Variants in TRANK1 observed in about 807,000 individuals in gnomAD.
TRANK1 encodes the protein TPR and ankyrin repeat-containing protein 1.
TRANK1 carries 198 observed loss-of-function variants against 266.0 expected under a neutral mutation model. The ratio of observed to expected loss-of-function variants is 0.74; its 90% CI spans 0.66 to 0.84. TRANK1 has a LOEUF of 0.84. Among genes scored for constraint, TRANK1 ranks in the 40% least tolerant of loss-of-function variants. The pLI is 0.00. For synonymous variants in TRANK1, 1,396 were observed against 1,384.1 expected, an observed-to-expected ratio of 1.01 and a Z score of -0.19; for missense variants, 3,326 against 3,634.6, an observed-to-expected ratio of 0.92 and a Z score of 2.18.
chr3:36,934,994 C>T (rs2080405126), intron 1 of TRANK1, among the ~76,000 whole-genome samples: 1 of 152,188 alleles, frequency 6.6e-6, no homozygotes. Context: ...TCCAGCATGG[C>T]CTCTTCACCA....
Position 36,831,239 on chromosome 3 carries a change from T to A in TRANK1, c.8344A>T (p.Asn2782Tyr). Reference sequence around the variant, plus strand: ...AACGCTTTGCTGGGGCTGAAATAGTTCTCTGGGCCACGGGTAAACTTCACT... The same window carrying A: ...AACGCTTTGCTGGGGCTGAAATAGTACTCTGGGCCACGGGTAAACTTCACT... The part of the protein sequence containing the change: ...CGVKFTRGPE[N>Y]YFSPSKAFEG... The change falls in exon 22 of 24, where the codon AAC becomes TAC. Residue 2782 changes from asparagine to tyrosine, a missense_variant. Transcript: ENST00000645898. This position sits in a 1 kb window ranked among gnomAD's most constrained non-coding sequence, Gnocchi z 5.0. 1 of 1,613,562 alleles carries A rather than the reference T, an allele frequency of 6.2e-7. No individual in the cohort carries two copies. Among genetic ancestry groups the A allele is most frequent in the African/African-American group, 1.3e-5 (1 of 74,974 alleles).
At chr3:36,853,544 CCAAATATATAT>C (rs2079012409) in intron 13 of TRANK1, among the ~76,000 whole-genome samples, 1 of 152,090 alleles carries the variant, frequency 6.6e-6, no homozygotes, top group African/African-American at 2.4e-5. Context: ...TTAGCAGGGG[CCAAATATATAT>C]CTACATTAAC....
intron 7 of TRANK1, 95 bp downstream of exon 7, chr3:36,892,107 A>T: frequency 7.2e-7 from 1 of 1,380,894 alleles, no homozygotes; most frequent in Non-Finnish European, 9.6e-7. Context: ...GTCTGCATTC[A>T]AGTGGCTTAA....
intron 20 of TRANK1, among the ~76,000 whole-genome samples, chr3:36,836,524 A>G (rs1233568797): frequency 6.6e-6 from 1 of 152,268 alleles, no homozygotes; most frequent in African/African-American, 2.4e-5. Flanking sequence ...TCATTTTTCA[A>G]TAATGCATGC....
intron 8 of TRANK1, among the ~76,000 whole-genome samples, chr3:36,885,540 T>C (rs2079590524): frequency 6.6e-6 from 1 of 152,144 alleles, no homozygotes; most frequent in Admixed American, 6.5e-5. Flanking sequence ...ATGAGGTCTG[T>C]ATATTATTTT....
chr3:36,899,185 AC>A lies in TRANK1; in HGVS notation c.356del (p.Gly119ValfsTer25), dbSNP rs2079838542. On this transcript the variant is annotated frameshift_variant, in exon 4 of 24. Transcript: ENST00000645898. LOFTEE classifies it high-confidence loss of function. ...CTTGGCTTCTCTGCACAAGTCGCAG[AC>A]CCTCAAAAAACATGCGAGCGGCTTC... is the stretch of plus-strand genomic sequence containing the variant. ...PYEAARMFFEGLRLVQRSQDQ... is the reference protein window; with the variant it reads ...PYEAARMFFEXLRLVQRSQDQ... 6.5e-7 allele frequency: 1 copy of A among 1,537,260 alleles called. No individual in the cohort carries two copies. The highest frequency in any genetic ancestry group is 8.7e-7 in the Non-Finnish European group (1 of 1,146,918).
At position 36,856,389 on chromosome 3, in the gene TRANK1, T is replaced by C; in HGVS notation, c.3333A>G (p.Lys1111=). The C allele has an allele frequency of 6.2e-7, 1 of 1,601,234 alleles. No homozygotes were observed. Among genetic ancestry groups the C allele is most frequent in the Non-Finnish European group, 8.5e-7 (1 of 1,173,514 alleles). ...CCAACCTTCTCTTCAGCCAGACCTG[T>C]TTGGCCAGCAATGGGCTTCCTGCCT... ...AEQAGSPLLA[K]QVWLKRRLEV... The change falls in exon 13 of 24, where the codon AAA becomes AAG. Residue 1111 remains lysine (K), a synonymous_variant. Coordinates refer to ENST00000645898, the MANE Select transcript of TRANK1 (RefSeq NM_001329998.2).
chr3:36,905,969 T>A (rs2079961875), intron 2 of TRANK1, among the ~76,000 whole-genome samples: 1 of 152,138 alleles, frequency 6.6e-6, no homozygotes, highest in South Asian at 2.1e-4. Context: ...AAAGGCAACA[T>A]GAGGGTCCAG....
chr3:36,869,822 A>G (rs1020910444), intron 9 of TRANK1, among the ~76,000 whole-genome samples: 15 of 152,260 alleles, frequency 9.9e-5, no homozygotes, highest in African/African-American at 3.6e-4. Context: ...ACACATTTCA[A>G]CTGCTCAACA....
intron 15 of TRANK1, chr3:36,851,445 T>G: frequency 4.3e-6 from 5 of 1,170,654 alleles, no homozygotes; most frequent in East Asian, 4.6e-5. Context: ...CAGTGGCTAA[T>G]GAGAACTGGA....
At position 36,858,725 on chromosome 3, in the gene TRANK1, C is replaced by G. The variant is rs1559434335; in HGVS notation, c.1665G>C (p.Glu555Asp). The G allele has an allele frequency of 2.6e-6, 4 of 1,523,652 alleles. No homozygotes were observed. The highest frequency in any genetic ancestry group is 3.5e-6 in the Non-Finnish European group (4 of 1,139,814). The allele number at this position is 1,523,652 out of a possible 1,614,324, so 94.4% of individuals were successfully genotyped here. Residue 555 changes from glutamate (E) to aspartate (D), a missense_variant, in exon 12 of 24, where the codon GAG becomes GAC. Physicochemically the swap from Glu to Asp is conservative, Grantham distance 45 (BLOSUM62 2). Coordinates refer to ENST00000645898, the MANE Select transcript of TRANK1 (RefSeq NM_001329998.2). Reference protein sequence around the residue: ...PLHAALHIFLEIKADIGFSFL... With the variant: ...PLHAALHIFLDIKADIGFSFL... The stretch of plus-strand genomic sequence containing the variant: ...TAAAAAACAAGGGCTTACCTTTAAT[C>G]TCTAGAAAGATGTGGAGTGCTGCAT...
chr3:36,905,229 T>C (rs576047357), intron 2 of TRANK1, among the ~76,000 whole-genome samples: 1 of 149,406 alleles, frequency 6.7e-6, no homozygotes, highest in South Asian at 2.1e-4. Context: ...CGGCGGAGCT[T>C]GCAGTGAGCC....
At chr3:36,884,281 G>A (rs772831897) in intron 8 of TRANK1, among the ~76,000 whole-genome samples, 6 of 152,128 alleles carry the variant, frequency 3.9e-5, no homozygotes, top group South Asian at 2.1e-4. Flanking sequence ...ATGACACTCC[G>A]CTTCGCAATG....
intron 1 of TRANK1, among the ~76,000 whole-genome samples, chr3:36,917,103 A>T (rs2125643094): frequency 6.6e-6 from 1 of 152,240 alleles, no homozygotes; most frequent in East Asian, 1.9e-4. Flanking sequence ...AATGTGAGCC[A>T]CCGTGCCCGG....
chr3:36,928,634 GAC>G (rs2080321163), intron 1 of TRANK1, among the ~76,000 whole-genome samples: 1 of 152,076 alleles, frequency 6.6e-6, no homozygotes, highest in Non-Finnish European at 1.5e-5. Flanking sequence ...TGAGGATATA[GAC>G]ACAGATTTTC....
intron 18 of TRANK1, among the ~76,000 whole-genome samples, chr3:36,840,529 C>A (rs973454713): frequency 6.6e-6 from 1 of 152,364 alleles, no homozygotes; most frequent in East Asian, 1.9e-4. Flanking sequence ...AAGAGTCCTG[C>A]CTATTTACCC....
At position 36,855,314 on chromosome 3, in the gene TRANK1, T is replaced by G. The variant is rs760418627; in HGVS notation, c.4408A>C (p.Ile1470Leu). ...AAGCGGAAGGCCACGCCCTTCATGA[T>G]GCTCTGGGCCGTGTCCCCCGTGAGG... ...MFLTGDTAQS[I>L]MKGVAFRFSD... The change falls in exon 13 of 24, where the codon ATC becomes CTC. Residue 1470 changes from isoleucine to leucine, a missense_variant. Transcript: ENST00000645898. The G allele has an allele frequency of 2.6e-5, 42 of 1,613,942 alleles. No individual in the cohort carries two copies. Among genetic ancestry groups the G allele is most frequent in the Non-Finnish European group, 3.4e-5 (40 of 1,179,906 alleles).
At chr3:36,865,978 G>C (rs1036691861) in intron 9 of TRANK1, among the ~76,000 whole-genome samples, 1 of 150,210 alleles carries the variant, frequency 6.7e-6, no homozygotes, top group Non-Finnish European at 1.5e-5. Flanking sequence ...CAGAGACAGA[G>C]AGAGAGAGAA....
chr3:36,943,027 A>G (rs939427554), intron 1 of TRANK1, among the ~76,000 whole-genome samples: 2 of 152,132 alleles, frequency 1.3e-5, no homozygotes, highest in Admixed American at 6.5e-5. Context: ...CTAAAAATAC[A>G]AAAATTAGTC....
Sources: allele counts gnomAD v4.1 joint callset (sites outside exome capture counted in the v4.1 genomes callset), GRCh38; gene constraint gnomAD v4.1.1; non-coding constraint Gnocchi (gnomAD v3.1); transcripts MANE v1.5; gene names NCBI Gene and HGNC (gene_info 2026-07-23, HGNC 2026-07-21).